Variants in RASA1 observed in about 807,000 individuals in gnomAD.
RASA1 encodes RAS p21 protein activator 1.
RASA1 carries 25 observed loss-of-function variants against 132.2 expected under a neutral mutation model. The ratio of observed to expected loss-of-function variants is 0.19; its 90% CI spans 0.14 to 0.26. RASA1 has a LOEUF of 0.26. Ranked by LOEUF, RASA1 falls within the 10% of genes least tolerant of loss-of-function variation. RASA1 has a pLI of 1.00. For synonymous variants in RASA1, 477 were observed against 449.9 expected (o/e 1.06, Z -0.76); for missense variants, 964 against 1,299.2 (o/e 0.74, Z 3.97).
chr5:87,366,610 T>TA (rs1214393751), intron 11 of RASA1: 1 of 159,062 alleles, frequency 6.3e-6, no homozygotes, highest in African/African-American at 2.4e-5. Flanking sequence ...GAAGGTGACT[T>TA]AAAGAATTTG....
intron 20 of RASA1, among the ~76,000 whole-genome samples, chr5:87,381,208 C>T (rs965702573): frequency 6.6e-6 from 1 of 152,030 alleles, no homozygotes; most frequent in Admixed American, 6.6e-5. Context: ...CTTATTTTTC[C>T]AATGAAGAAG....
intron 1 of RASA1, among the ~76,000 whole-genome samples, chr5:87,282,381 T>G (rs1754356062): frequency 6.6e-6 from 1 of 152,192 alleles, no homozygotes; most frequent in Non-Finnish European, 1.5e-5. Flanking sequence ...GTTGAAAAAT[T>G]TTGTGCCACT....
intron 1 of RASA1, among the ~76,000 whole-genome samples, chr5:87,308,374 G>T (rs1375248446): frequency 6.6e-6 from 1 of 151,964 alleles, no homozygotes; most frequent in Non-Finnish European, 1.5e-5. Context: ...AGTTCTGATT[G>T]CCTCCATATT....
chr5:87,316,326 A>T (rs527980943), intron 1 of RASA1, among the ~76,000 whole-genome samples: 2 of 152,304 alleles, frequency 1.3e-5, no homozygotes, highest in African/African-American at 4.8e-5. Context: ...AATGCATTTT[A>T]AAAAATGGGA....
chr5:87,354,695 T>G (rs1279920338), intron 9 of RASA1, among the ~76,000 whole-genome samples: 1 of 152,162 alleles, frequency 6.6e-6, no homozygotes, highest in Non-Finnish European at 1.5e-5. Context: ...CTAGAAATGA[T>G]TAAGCTTAGG....
At chr5:87,377,579 C>T (rs563545281) in intron 17 of RASA1, among the ~76,000 whole-genome samples, 6 of 152,154 alleles carry the variant, frequency 3.9e-5, no homozygotes, top group East Asian at 1.9e-4. Context: ...TCAGGTGATC[C>T]GCCTGCCTCA....
At chr5:87,285,525 A>G (rs1372652334) in intron 1 of RASA1, among the ~76,000 whole-genome samples, 1 of 151,672 alleles carries the variant, frequency 6.6e-6, no homozygotes, top group African/African-American at 2.4e-5. Context: ...ATAGCATTGT[A>G]GTGTAGATAT....
At chr5:87,322,155 G>T (rs1756868637) in intron 1 of RASA1, among the ~76,000 whole-genome samples, 1 of 152,082 alleles carries the variant, frequency 6.6e-6, no homozygotes, top group Admixed American at 6.5e-5. Flanking sequence ...AGAGCTGGTT[G>T]TTTAAAGCAG....
intron 6 of RASA1, among the ~76,000 whole-genome samples, chr5:87,342,586 C>T (rs1217149928): frequency 6.6e-6 from 1 of 152,134 alleles, no homozygotes; most frequent in Non-Finnish European, 1.5e-5. Context: ...TATTTTCCCT[C>T]GTTGCTAGAG....
chr5:87,388,123 T>C (rs996507404), intron 23 of RASA1, among the ~76,000 whole-genome samples: 21 of 152,230 alleles, frequency 1.4e-4, no homozygotes, highest in Admixed American at 1.3e-3. Context: ...CTGTGATATA[T>C]AATTCTGTGT....
intron 23 of RASA1, 116 bp downstream of exon 23, chr5:87,387,019 A>G: frequency 2.0e-6 from 2 of 1,000,230 alleles, no homozygotes; most frequent in Non-Finnish European, 1.5e-6. Context: ...AAAGACAAAA[A>G]GCCTGCAAAT....
chr5:87,290,917 A>G (rs1313867863), intron 1 of RASA1, among the ~76,000 whole-genome samples: 1 of 152,192 alleles, frequency 6.6e-6, no homozygotes, highest in African/African-American at 2.4e-5. Context: ...GCTTATAAAC[A>G]TTTGTATGCA....
At chr5:87,361,861 T>C (rs1475826361) in intron 9 of RASA1, among the ~76,000 whole-genome samples, 1 of 152,044 alleles carries the variant, frequency 6.6e-6, no homozygotes, top group Non-Finnish European at 1.5e-5. Context: ...TTTTAAGAAA[T>C]ATGTACATCC....
At chr5:87,272,232 A>G (rs1753876824) in intron 1 of RASA1, among the ~76,000 whole-genome samples, 1 of 152,058 alleles carries the variant, frequency 6.6e-6, no homozygotes, top group South Asian at 2.1e-4. Context: ...TACTACATGT[A>G]TTTGGAAATA....
Position 87,338,534 on chromosome 5 carries a change from A to AT in RASA1, c.1017+443_1017+444insT, listed in dbSNP as rs1561292504. ...ATATATATATATATATATATATATA[A>AT]AATTTTTTTTTTTTTTAAGTAGAAA... On this transcript the variant is annotated intron_variant, in intron 5 of 24. Coordinates refer to ENST00000274376, the MANE Select transcript of RASA1 (RefSeq NM_002890.3). 1.5e-3 allele frequency among the ~76,000 whole-genome samples: 68 copies of AT among 46,108 alleles called. 4 individuals are homozygous for AT. Among genetic ancestry groups the AT allele is most frequent in the Middle Eastern group, 0.014 (1 of 74 alleles). The allele number at this position is 46,108 out of a possible 152,430, so 30.2% of individuals were successfully genotyped here.
intron 1 of RASA1, among the ~76,000 whole-genome samples, chr5:87,281,090 G>A (rs901062941): frequency 1.3e-5 from 2 of 151,930 alleles, no homozygotes; most frequent in African/African-American, 4.8e-5. Flanking sequence ...TTCATTTTGG[G>A]TATATACCCA....
chr5:87,331,916 A>AACAG (rs1757628541), intron 2 of RASA1, among the ~76,000 whole-genome samples: 1 of 152,140 alleles, frequency 6.6e-6, no homozygotes, highest in Non-Finnish European at 1.5e-5. Flanking sequence ...ACTTCAGTGA[A>AACAG]ACAGACATAT....
intron 20 of RASA1, among the ~76,000 whole-genome samples, chr5:87,381,807 T>C (rs901640351): frequency 6.6e-5 from 10 of 152,208 alleles, no homozygotes; most frequent in African/African-American, 2.2e-4. Flanking sequence ...CAGGAAATTG[T>C]AAACTGTTTC....
At chr5:87,342,704 T>G (rs1298330850) in intron 6 of RASA1, among the ~76,000 whole-genome samples, 2 of 152,178 alleles carry the variant, frequency 1.3e-5, no homozygotes, top group Admixed American at 6.5e-5. Context: ...CTGTGGGAAG[T>G]AGAAAACTAG....
Sources: gnomAD v4.1 joint callset for allele counts (sites outside exome capture counted in the v4.1 genomes callset) on GRCh38, gnomAD v4.1.1 for gene constraint, MANE v1.5 for transcripts, NCBI Gene and HGNC (gene_info 2026-07-23, HGNC 2026-07-21) for gene names.